The following QRICH1 variants were observed in gnomAD, a reference collection of about 807,000 sequenced individuals.
QRICH1 encodes the protein glutamine rich 1.
In QRICH1, 16 loss-of-function variants were observed where a neutral mutation model predicts 87.1. The ratio of observed to expected loss-of-function variants is 0.18; its 90% CI spans 0.12 to 0.28. The LOEUF is 0.28. QRICH1 is among the 10% of genes least tolerant of loss of function. QRICH1 has a pLI of 1.00. For missense variants in QRICH1, 647 were observed against 951.7 expected, an observed-to-expected ratio of 0.68 and a Z score of 4.21; for synonymous variants, 367 against 368.4, an observed-to-expected ratio of 1.00 and a Z score of 0.05.
At chr3:49,090,628 CAAAAAA>C (rs35351750) in intron 1 of QRICH1, among the ~76,000 whole-genome samples, 2 of 119,506 alleles carry the variant, frequency 1.7e-5, no homozygotes, top group Admixed American at 1.8e-4. Flanking sequence ...AACTCCATCT[CAAAAAA>C]AAAAAAAAAA....
chr3:49,035,351 C>T (rs1449141166), intron 6 of QRICH1, among the ~76,000 whole-genome samples: 2 of 152,084 alleles, frequency 1.3e-5, no homozygotes, highest in Non-Finnish European at 2.9e-5. Context: ...GGATTACAGG[C>T]GGGAGCCACC....
chr3:49,075,043 C>T (rs2106973560), intron 2 of QRICH1, among the ~76,000 whole-genome samples: 1 of 151,836 alleles, frequency 6.6e-6, no homozygotes, highest in South Asian at 2.1e-4. Flanking sequence ...TTTTTAAGGC[C>T]AGGCATGGCA....
At chr3:49,073,650 ATTT>A (rs2041891233) in intron 2 of QRICH1, among the ~76,000 whole-genome samples, 1 of 150,776 alleles carries the variant, frequency 6.6e-6, no homozygotes, top group Non-Finnish European at 1.5e-5. Context: ...TACAATTTTT[ATTT>A]TTATTTTTTT....
At chr3:49,044,755 T>G (rs2093329673) in intron 5 of QRICH1, among the ~76,000 whole-genome samples, 1 of 152,152 alleles carries the variant, frequency 6.6e-6, no homozygotes, top group South Asian at 2.1e-4. Flanking sequence ...GGCATTATTT[T>G]GTGTTAGCAA....
intron 2 of QRICH1, among the ~76,000 whole-genome samples, chr3:49,064,648 A>G (rs2093456324): frequency 6.6e-6 from 1 of 151,978 alleles, no homozygotes; most frequent in South Asian, 2.1e-4. Flanking sequence ...GGTGGATCAC[A>G]AGGTCAGGAG....
intron 6 of QRICH1, among the ~76,000 whole-genome samples, chr3:49,038,684 T>C (rs1426391299): frequency 6.6e-6 from 1 of 152,204 alleles, no homozygotes; most frequent in African/African-American, 2.4e-5. Flanking sequence ...CACAAAGTGC[T>C]GGGAATTCAG....
chr3:49,077,788 C>A (rs949120978), intron 1 of QRICH1, among the ~76,000 whole-genome samples: 2 of 152,158 alleles, frequency 1.3e-5, no homozygotes, highest in African/African-American at 4.8e-5. Context: ...TTTAGAAAAT[C>A]ATCTAGCACA....
chr3:49,091,247 G>T (rs908763434), intron 1 of QRICH1, among the ~76,000 whole-genome samples: 1 of 151,998 alleles, frequency 6.6e-6, no homozygotes, highest in Non-Finnish European at 1.5e-5. Flanking sequence ...AAAATAAAAA[G>T]AAAAGAACAG....
chr3:49,069,416 A>G (rs1161286192), intron 2 of QRICH1, among the ~76,000 whole-genome samples: 2 of 152,052 alleles, frequency 1.3e-5, no homozygotes, highest in Non-Finnish European at 2.9e-5. Context: ...ATTATTTTTT[A>G]CAGAAAAAAA....
intron 1 of QRICH1, among the ~76,000 whole-genome samples, chr3:49,082,231 C>A (rs937415563): frequency 2.0e-5 from 3 of 152,182 alleles, no homozygotes; most frequent in African/African-American, 7.2e-5. Flanking sequence ...GCCACTGCGC[C>A]CAGCAAGGTG....
intron 6 of QRICH1, among the ~76,000 whole-genome samples, chr3:49,042,260 G>A (rs1272082124): frequency 6.6e-6 from 1 of 150,404 alleles, no homozygotes; most frequent in Non-Finnish European, 1.5e-5. Context: ...ACCACAACCG[G>A]CTAATTTTTT....
chr3:49,077,026 G>C lies in QRICH1; in HGVS notation c.-9C>G. On this transcript the variant is annotated 5_prime_UTR_variant, in exon 2 of 10. Transcript: ENST00000395443. ...TCTAGGGAATTATTCATATTGCAGAGTCCTTAGGGTTCCTAGAAATAAACA... is the reference window on the plus strand; with the variant it reads ...TCTAGGGAATTATTCATATTGCAGACTCCTTAGGGTTCCTAGAAATAAACA... 1 of 1,401,120 alleles carries C rather than the reference G, an allele frequency of 7.1e-7. No homozygotes were observed. Among genetic ancestry groups the C allele is most frequent in the East Asian group, 2.5e-5 (1 of 40,432 alleles). The allele number at this position is 1,401,120 out of a possible 1,614,324, so 86.8% of individuals were successfully genotyped here. A position where few individuals can be genotyped will look rare whatever the true frequency, so the allele number is the denominator to read the frequency against.
chr3:49,061,134 TAAAAAAAA>T (rs57557768), intron 2 of QRICH1, among the ~76,000 whole-genome samples: 18 of 39,742 alleles, frequency 4.5e-4, no homozygotes, highest in Non-Finnish European at 6.0e-4. Flanking sequence ...GCCTCCATCT[TAAAAAAAA>T]AAAAAAAAAA....
chr3:49,047,375 CT>C, intron 3 of QRICH1, 129 bp from the exon 4 acceptor site: 2 of 903,280 alleles, frequency 2.2e-6, no homozygotes, highest in Non-Finnish European at 3.2e-6. Flanking sequence ...TGCTGTCCTA[CT>C]TTTAAGAAGC....
intron 2 of QRICH1, among the ~76,000 whole-genome samples, chr3:49,063,973 C>G (rs2093451039): frequency 6.6e-6 from 1 of 152,108 alleles, no homozygotes; most frequent in Admixed American, 6.6e-5. Context: ...ATGGTGCCAT[C>G]TCAGCTCACC....
intron 2 of QRICH1, among the ~76,000 whole-genome samples, chr3:49,062,439 C>A (rs1365183755): frequency 6.8e-6 from 1 of 146,756 alleles, no homozygotes; most frequent in African/African-American, 2.5e-5. Context: ...CAGCTTACTG[C>A]AACCTCCGCC....
chr3:49,058,018 G>A, intron 2 of QRICH1, 128 bp from the exon 3 acceptor site: 1 of 1,506,820 alleles, frequency 6.6e-7, no homozygotes, highest in Non-Finnish European at 9.0e-7. Context: ...CATACTCAAG[G>A]CTTCTGAGAA....
intron 2 of QRICH1, among the ~76,000 whole-genome samples, chr3:49,062,528 A>G (rs896696954): frequency 1.3e-5 from 2 of 151,184 alleles, no homozygotes; most frequent in East Asian, 2.0e-4. Flanking sequence ...GCCCAGCTAA[A>G]TTTTGCATTT....
chr3:49,032,282 C>A lies in QRICH1; in HGVS notation c.2048-9G>T. 5 of 1,599,738 alleles carry A rather than the reference C, an allele frequency of 3.1e-6. No individual in the cohort carries two copies. The highest frequency in any genetic ancestry group is 4.3e-6 in the Non-Finnish European group (5 of 1,166,984). ...ATACATGTCATCTGTAACTATAAAA[C>A]ACACATCCCCACCACCACAGACCTG... is the stretch of plus-strand genomic sequence containing the variant. On this transcript the variant is annotated splice_polypyrimidine_tract_variant and intron_variant, in intron 8 of 9. Coordinates refer to ENST00000395443, the MANE Select transcript of QRICH1 (RefSeq NM_198880.3).
Sources: allele counts gnomAD v4.1 joint callset (sites outside exome capture counted in the v4.1 genomes callset), GRCh38; gene constraint gnomAD v4.1.1; transcripts MANE v1.5; gene names NCBI Gene and HGNC (gene_info 2026-07-23, HGNC 2026-07-21).